Variants in FYN observed in about 807,000 individuals in gnomAD.
FYN encodes the protein FYN proto-oncogene, Src family tyrosine kinase, also known as tyrosine-protein kinase Fyn.
A neutral mutation model predicts 70.2 loss-of-function variants in FYN; 10 were observed. That is an observed-to-expected ratio of 0.14 (90% CI 0.09 to 0.24). The LOEUF is 0.24. Ranked by LOEUF, FYN falls within the 10% of genes least tolerant of loss-of-function variation. The pLI is 1.00. For synonymous variants in FYN, 236 were observed against 248.6 expected (o/e 0.95, Z 0.48); for missense variants, 319 against 673.1 (o/e 0.47, Z 5.82).
rs145809130 is a variant in FYN at position 111,753,638 on chromosome 6, A to G, written c.-12+26928T>C. Among the ~76,000 whole-genome samples the G allele has an allele frequency of 8.3e-3, 1,222 of 146,594 alleles. 14 individuals are homozygous for G. The highest frequency in any genetic ancestry group is 0.028 in the African/African-American group (1,147 of 40,638). On this transcript the variant is annotated intron_variant, in intron 3 of 13. Transcript: ENST00000354650. ...AGGACAAATGTGAGGGCCTAAACCA[A>G]AAAAAAAAAAAAGTTGCCTAAGTAC...
At chr6:111,663,168 G>A (rs1004278401) in intron 13 of FYN, among the ~76,000 whole-genome samples, 1 of 152,294 alleles carries the variant, frequency 6.6e-6, no homozygotes, top group African/African-American at 2.4e-5. Flanking sequence ...CTTCCTGGCC[G>A]GTGAGGCTGT....
At chr6:111,797,695 TA>T (rs1771854845) in intron 2 of FYN, among the ~76,000 whole-genome samples, 1 of 82,942 alleles carries the variant, frequency 1.2e-5, no homozygotes, top group Non-Finnish European at 2.1e-5. Flanking sequence ...TATATATATA[TA>T]TATATATATA....
intron 12 of FYN, among the ~76,000 whole-genome samples, chr6:111,687,018 C>T (rs1439078587): frequency 2.0e-5 from 3 of 152,188 alleles, no homozygotes; most frequent in African/African-American, 7.2e-5. Context: ...TAGCTGCCTG[C>T]TTGTTTGTGT....
chr6:111,758,989 T>C (rs1170199109), intron 3 of FYN: 1 of 152,610 alleles, frequency 6.6e-6, no homozygotes, highest in African/African-American at 2.4e-5. Context: ...CACATAACTG[T>C]CCATGCAGTT....
chr6:111,798,167 TA>T (rs1415478245), intron 2 of FYN, among the ~76,000 whole-genome samples: 1 of 152,076 alleles, frequency 6.6e-6, no homozygotes, highest in African/African-American at 2.4e-5. Context: ...AGTAAAATTT[TA>T]AAGTCAGGAA....
At chr6:111,798,761 T>C (rs1352372429) in intron 2 of FYN, among the ~76,000 whole-genome samples, 2 of 152,224 alleles carry the variant, frequency 1.3e-5, no homozygotes, top group African/African-American at 4.8e-5. Context: ...TTCGTGGCAC[T>C]GTGGTGAAGA....
chr6:111,778,562 C>T (rs893976445), intron 3 of FYN, among the ~76,000 whole-genome samples: 1 of 151,456 alleles, frequency 6.6e-6, no homozygotes, highest in South Asian at 2.1e-4. Flanking sequence ...TTTTTTCTTT[C>T]TTTCTTTTGT....
intron 3 of FYN, among the ~76,000 whole-genome samples, chr6:111,733,373 C>T (rs1390075423): frequency 2.6e-5 from 4 of 152,298 alleles, no homozygotes; most frequent in East Asian, 3.9e-4. Context: ...AGATCTAATA[C>T]GCTTGCATCT....
At chr6:111,719,221 C>T (rs768260883) in intron 4 of FYN, among the ~76,000 whole-genome samples, 11 of 150,938 alleles carry the variant, frequency 7.3e-5, no homozygotes, top group Non-Finnish European at 1.2e-4. Context: ...TGAGAACGTA[C>T]GCCAGATATT....
At chr6:111,786,717 C>T (rs1411424672) in intron 2 of FYN, among the ~76,000 whole-genome samples, 1 of 152,218 alleles carries the variant, frequency 6.6e-6, no homozygotes, top group Non-Finnish European at 1.5e-5. Context: ...CACATCCTCT[C>T]CAGCACCTGT....
intron 1 of FYN, among the ~76,000 whole-genome samples, chr6:111,863,301 G>T (rs1374193608): frequency 6.6e-6 from 1 of 152,208 alleles, no homozygotes; most frequent in South Asian, 2.1e-4. Flanking sequence ...GCATGTATGT[G>T]CCTAGGTACA....
chr6:111,742,791 C>T (rs2128480464), intron 3 of FYN, among the ~76,000 whole-genome samples: 1 of 152,308 alleles, frequency 6.6e-6, no homozygotes, highest in South Asian at 2.1e-4. Context: ...GCTCCATTCC[C>T]ATTTACTGAA....
intron 2 of FYN, among the ~76,000 whole-genome samples, chr6:111,781,836 A>G (rs1041957497): frequency 2.6e-5 from 4 of 152,246 alleles, no homozygotes; most frequent in Non-Finnish European, 4.4e-5. Context: ...ATTGTTATGA[A>G]CATCTTTCAA....
chr6:111,803,192 T>A (rs544196092), intron 2 of FYN, among the ~76,000 whole-genome samples: 12 of 152,354 alleles, frequency 7.9e-5, no homozygotes, highest in African/African-American at 2.9e-4. Context: ...GAGCACTGCT[T>A]TTGGCTAACT....
chr6:111,679,722 C>G (rs895247205), intron 12 of FYN, among the ~76,000 whole-genome samples: 2 of 152,146 alleles, frequency 1.3e-5, no homozygotes, highest in Admixed American at 6.5e-5. Flanking sequence ...AGAAAAGCAA[C>G]AGCCACACAC....
chr6:111,800,953 T>G (rs149685394), intron 2 of FYN, among the ~76,000 whole-genome samples: 263 of 152,354 alleles, frequency 1.7e-3, no homozygotes, highest in African/African-American at 6.3e-3. Context: ...TCTAAAAGTC[T>G]AATCACTATT....
chr6:111,730,796 G>C (rs779552398), intron 3 of FYN, among the ~76,000 whole-genome samples: 1 of 152,164 alleles, frequency 6.6e-6, no homozygotes, highest in Non-Finnish European at 1.5e-5. Context: ...ATCCAATCAA[G>C]TATCTTCCTA....
intron 12 of FYN, among the ~76,000 whole-genome samples, chr6:111,688,817 T>C (rs1799159915): frequency 6.6e-6 from 1 of 152,166 alleles, no homozygotes; most frequent in Admixed American, 6.5e-5. Context: ...ATAGGCAAGC[T>C]GGCCGGAGAT....
intron 12 of FYN, among the ~76,000 whole-genome samples, chr6:111,691,498 C>A (rs1799315175): frequency 6.6e-6 from 1 of 152,166 alleles, no homozygotes; most frequent in Admixed American, 6.5e-5. Context: ...GCATGCGGAC[C>A]AGCTGTCTGG....
Sources: gnomAD v4.1 joint callset for allele counts (sites outside exome capture counted in the v4.1 genomes callset) on GRCh38, gnomAD v4.1.1 for gene constraint, MANE v1.5 for transcripts, NCBI Gene and HGNC (gene_info 2026-07-23, HGNC 2026-07-21) for gene names.